CEP162: variants seen among roughly 807,000 people sequenced by gnomAD.
CEP162 encodes the protein centrosomal protein 162, also known as centrosomal protein of 162 kDa.
In CEP162, 141 loss-of-function variants were observed where a neutral mutation model predicts 169.2. The ratio of observed to expected loss-of-function variants is 0.83; its 90% confidence interval spans 0.73 to 0.96. CEP162 has a LOEUF of 0.96. CEP162 is among the 40% of genes least tolerant of loss of function. The probability of loss-of-function intolerance (pLI) is 0.00; values close to 1 mark genes in which losing one functional copy is unlikely to be tolerated. For missense variants in CEP162, 1,600 were observed against 1,587.2 expected, an observed-to-expected ratio of 1.01 and a Z score of -0.14; for synonymous variants, 540 against 526.4, an observed-to-expected ratio of 1.03 and a Z score of -0.35.
At chr6:84,204,491 T>C (rs761551516) in intron 6 of CEP162, among the ~76,000 whole-genome samples, 9 of 152,158 alleles carry the variant, frequency 5.9e-5, no homozygotes, top group African/African-American at 2.2e-4. Flanking sequence ...GGGTAAATAA[T>C]GAAATGAAGG....
chr6:84,210,526 G>A (rs1019000593), intron 6 of CEP162, among the ~76,000 whole-genome samples: 4 of 152,150 alleles, frequency 2.6e-5, no homozygotes, highest in Non-Finnish European at 5.9e-5. Context: ...GAGCAGGGGC[G>A]GGGAGATTGG....
chr6:84,138,614 T>C (rs753232958), intron 25 of CEP162, among the ~76,000 whole-genome samples: 3 of 152,198 alleles, frequency 2.0e-5, no homozygotes, highest in Non-Finnish European at 4.4e-5. Flanking sequence ...GTGCTTAGCT[T>C]TCTAGTAGTG....
chr6:84,156,646 G>C (rs982259533), intron 21 of CEP162, among the ~76,000 whole-genome samples: 4 of 151,842 alleles, frequency 2.6e-5, no homozygotes, highest in Non-Finnish European at 5.9e-5. Context: ...AACCATTATG[G>C]AAAACAGTGT....
chr6:84,196,849 T>C (rs1223393563), intron 9 of CEP162, among the ~76,000 whole-genome samples: 2 of 152,176 alleles, frequency 1.3e-5, no homozygotes, highest in Non-Finnish European at 2.9e-5. Context: ...TCCCCATGGC[T>C]ACATGAAGTA....
chr6:84,175,102 A>G, intron 14 of CEP162, 112 bp downstream of exon 14: 1 of 870,232 alleles, frequency 1.1e-6, no homozygotes, highest in Non-Finnish European at 1.7e-6. Flanking sequence ...TGATTACAGT[A>G]TCACTCAAAG....
intron 13 of CEP162, among the ~76,000 whole-genome samples, chr6:84,177,313 C>T (rs553481275): frequency 6.6e-6 from 1 of 152,266 alleles, no homozygotes; most frequent in South Asian, 2.1e-4. Flanking sequence ...CTTCCCTGTA[C>T]CCCACCACTA....
rs141583345 is a variant in CEP162 at position 84,200,829 on chromosome 6, C to T, written c.795G>A (p.Arg265=). The T allele has an allele frequency of 3.7e-4, 592 of 1,611,444 alleles. 1 individual carries two copies. The highest frequency in any genetic ancestry group is 4.7e-4 in the Non-Finnish European group (557 of 1,177,964). ...DEQDKITPKP[R]CLPEMTENEM... ...CATTCTCAGTCATTTCTGGTAGGCA[C>T]CTTGGCTTAGGTGTTATTTTATCTT... is the stretch of plus-strand genomic sequence containing the variant. Residue 265 remains arginine (R), a synonymous_variant, in exon 9 of 27, where the codon AGG becomes AGA. Coordinates refer to ENST00000403245, the MANE Select transcript of CEP162 (RefSeq NM_014895.4).
At chr6:84,127,283 ACT>A (rs1459791690) in intron 25 of CEP162, among the ~76,000 whole-genome samples, 2 of 152,070 alleles carry the variant, frequency 1.3e-5, no homozygotes. Context: ...ACTAACAATA[ACT>A]CTTGTTTTCT....
chr6:84,168,763 T>C (rs1003572795), intron 18 of CEP162, among the ~76,000 whole-genome samples: 1 of 152,180 alleles, frequency 6.6e-6, no homozygotes, highest in African/African-American at 2.4e-5. Flanking sequence ...TAGAAAACTC[T>C]AGGCCATATT....
intron 25 of CEP162, among the ~76,000 whole-genome samples, chr6:84,135,948 G>A (rs2099513896): frequency 6.6e-6 from 1 of 152,142 alleles, no homozygotes; most frequent in Non-Finnish European, 1.5e-5. Flanking sequence ...GTAACTATTG[G>A]CATAAGTCTT....
At chr6:84,205,916 T>C (rs2099546732) in intron 6 of CEP162, among the ~76,000 whole-genome samples, 1 of 148,626 alleles carries the variant, frequency 6.7e-6, no homozygotes, top group Non-Finnish European at 1.5e-5. Context: ...AACATTCCTA[T>C]ACACCAATAA....
chr6:84,191,565 T>C (rs1417779031), intron 11 of CEP162, among the ~76,000 whole-genome samples: 1 of 152,182 alleles, frequency 6.6e-6, no homozygotes, highest in Non-Finnish European at 1.5e-5. Flanking sequence ...TGAGGAAGTA[T>C]ATAACCCTGT....
At chr6:84,149,198 G>A (rs535874428) in intron 24 of CEP162, among the ~76,000 whole-genome samples, 2 of 152,162 alleles carry the variant, frequency 1.3e-5, no homozygotes, top group African/African-American at 4.8e-5. Context: ...GCTGGGACTT[G>A]GGGACTCGGT....
chr6:84,145,646 T>A (rs2099518530), intron 25 of CEP162, among the ~76,000 whole-genome samples: 1 of 152,082 alleles, frequency 6.6e-6, no homozygotes, highest in African/African-American at 2.4e-5. Context: ...GTATTTCAAA[T>A]TTTTCTCCTA....
chr6:84,160,696 T>G (rs1353393616), intron 21 of CEP162, 116 bp downstream of exon 21: 7 of 642,710 alleles, frequency 1.1e-5, no homozygotes, highest in African/African-American at 1.8e-5. Flanking sequence ...ATGTAAATAC[T>G]TTAAAACAAA....
intron 18 of CEP162, among the ~76,000 whole-genome samples, chr6:84,165,224 A>AT (rs1287841053): frequency 6.6e-6 from 1 of 151,564 alleles, no homozygotes; most frequent in Non-Finnish European, 1.5e-5. Context: ...ACACAGTTTC[A>AT]TTTTTTTCTC....
chr6:84,220,801 C>G (rs1211582488), intron 3 of CEP162, among the ~76,000 whole-genome samples: 1 of 152,012 alleles, frequency 6.6e-6, no homozygotes, highest in Non-Finnish European at 1.5e-5. Flanking sequence ...ATAAATATAC[C>G]TGAATTGTCA....
At chr6:84,174,984 G>A in intron 14 of CEP162, 30 bp from the exon 15 acceptor site, 1 of 1,360,198 alleles carries the variant, frequency 7.4e-7, no homozygotes, top group South Asian at 1.3e-5. Flanking sequence ...CTTCATTACA[G>A]TAGACTTATG....
Position 84,215,942 on chromosome 6 carries a change from CA to C in CEP162, c.173-21del. ...GAAGTCCTAGGTACACAATTTAATACAGATGAAGATTTATGTTCAAAGAATT... is the reference window on the plus strand; with the variant it reads ...GAAGTCCTAGGTACACAATTTAATACGATGAAGATTTATGTTCAAAGAATT... On this transcript the variant is annotated intron_variant, in intron 3 of 26. Coordinates refer to ENST00000403245, the MANE Select transcript of CEP162 (RefSeq NM_014895.4). 6.6e-7 allele frequency: 1 copy of C among 1,514,454 alleles called. No individual in the cohort carries two copies. The highest frequency in any genetic ancestry group is 8.8e-7 in the Non-Finnish European group (1 of 1,134,116). 93.8% of individuals were successfully genotyped at this position (1,514,454 alleles called of 1,614,324 possible).
Sources: allele counts gnomAD v4.1 joint callset (sites outside exome capture counted in the v4.1 genomes callset), GRCh38; gene constraint gnomAD v4.1.1; transcripts MANE v1.5; gene names NCBI Gene and HGNC (gene_info 2026-07-23, HGNC 2026-07-21).